The following IQCH variants were observed in gnomAD, a reference collection of about 807,000 sequenced individuals.
The protein encoded by IQCH is IQ domain-containing protein H.
Under a neutral mutation model 117.0 loss-of-function variants are expected in IQCH, and 98 were observed. That is an observed-to-expected ratio of 0.84 (90% CI 0.71 to 0.99). The LOEUF (loss-of-function observed/expected upper bound fraction) is 0.99. Among genes scored for constraint, IQCH ranks in the 50% least tolerant of loss-of-function variants. The probability of loss-of-function intolerance (pLI) is 0.00; values close to 1 mark genes in which losing one functional copy is unlikely to be tolerated. For synonymous variants in IQCH, 412 were observed against 448.2 expected (o/e 0.92, Z 1.02); for missense variants, 1,102 against 1,243.8 (o/e 0.89, Z 1.72).
At position 67,421,427 on chromosome 15, in the gene IQCH, TGGTACCACCGTGCCTCA is replaced by T; in HGVS notation, c.2357_2373del (p.Gly786AspfsTer51). On this transcript the variant is annotated frameshift_variant, in exon 16 of 21. Coordinates refer to ENST00000335894, the MANE Select transcript of IQCH (RefSeq NM_001031715.3). LOFTEE classifies it high-confidence loss of function. ...ATGCTGAAAGCCCCTTCATCTCCTC[TGGTACCACCGTGCCTCA>T]GACCTCAGTGGATCCCCAAGTTCTC... 6.2e-7 allele frequency: 1 copy of T among 1,614,190 alleles called. No individual in the cohort carries two copies. Among genetic ancestry groups the T allele is most frequent in the South Asian group, 1.1e-5 (1 of 91,078 alleles).
At position 67,488,695 on chromosome 15, in the gene IQCH, C is replaced by T. The variant is rs1323923105; in HGVS notation, c.2800-1308C>T. Among the ~76,000 whole-genome samples the T allele has an allele frequency of 2.0e-5, 3 of 152,316 alleles. No individual in the cohort carries two copies. In the East Asian group the frequency reaches 5.8e-4, roughly 29 times the overall value. ...GAGGGAGTATGGTTTCAGAATGAAA[C>T]TGTTCCACCTCAGATCATCAGGCAT... is the stretch of plus-strand genomic sequence containing the variant. On this transcript the variant is annotated intron_variant, in intron 18 of 20. Transcript: ENST00000335894.
At position 67,421,559 on chromosome 15, in the gene IQCH, A is replaced by G. The variant is rs543734739; in HGVS notation, c.2487A>G (p.Pro829=). The part of the protein sequence containing the change: ...FSIDLVTFID[P]STLEQQVWAT... ...TAGATCTGGTGACTTTTATAGATCCAAGCACCTTGGAACAACAGGTAAGTT... is the reference window on the plus strand; with the variant it reads ...TAGATCTGGTGACTTTTATAGATCCGAGCACCTTGGAACAACAGGTAAGTT... The change falls in exon 16 of 21, where the codon CCA becomes CCG. Residue 829 remains proline (P), a synonymous_variant. Coordinates refer to ENST00000335894, the MANE Select transcript of IQCH (RefSeq NM_001031715.3). 1.4e-5 allele frequency: 22 copies of G among 1,614,154 alleles called. No individual in the cohort carries two copies. The African/African-American group carries it at 2.8e-4, about 21-fold the overall frequency.
At chr15:67,320,850 A>G (rs1433370285) in intron 4 of IQCH, among the ~76,000 whole-genome samples, 3 of 152,178 alleles carry the variant, frequency 2.0e-5, no homozygotes, top group Non-Finnish European at 4.4e-5. Flanking sequence ...GTGGTCCCAT[A>G]AAATTGGGAA....
At position 67,417,507 on chromosome 15, in the gene IQCH, C is replaced by T. The variant is rs2081606420; in HGVS notation, c.2218+456C>T. On this transcript the variant is annotated intron_variant, in intron 15 of 20. Coordinates refer to ENST00000335894, the MANE Select transcript of IQCH (RefSeq NM_001031715.3). The surrounding 1 kb of genome is among the most constrained non-coding windows in gnomAD (Gnocchi z 4.3). Reference sequence around the variant, plus strand: ...TCATCTTTAATAAGTGTTAGTTTCTCCTTCTGTTTTCTAGGAGAGCAAAAA... The same window carrying T: ...TCATCTTTAATAAGTGTTAGTTTCTTCTTCTGTTTTCTAGGAGAGCAAAAA... 6.6e-6 allele frequency among the ~76,000 whole-genome samples: 1 copy of T among 152,180 alleles called. No individual in the cohort carries two copies. The highest frequency in any genetic ancestry group is 1.5e-5 in the Non-Finnish European group (1 of 68,030).
At chr15:67,480,301 G>T (rs2083309998) in intron 18 of IQCH, among the ~76,000 whole-genome samples, 1 of 152,156 alleles carries the variant, frequency 6.6e-6, no homozygotes, top group Admixed American at 6.5e-5. Context: ...ACTTGCTTTG[G>T]CCAGTGAAAT....
intron 4 of IQCH, chr15:67,304,236 A>G: frequency 3.5e-6 from 2 of 570,224 alleles, no homozygotes; most frequent in Non-Finnish European, 6.0e-6. Flanking sequence ...AATTTCATTA[A>G]AATAATTATT....
At position 67,381,315 on chromosome 15, in the gene IQCH, G is replaced by A. The variant is rs984989559; in HGVS notation, c.1373-3621G>A. Among the ~76,000 whole-genome samples, 8 of 152,198 alleles carry A rather than the reference G, an allele frequency of 5.3e-5. No homozygotes were observed. The highest frequency in any genetic ancestry group is 4.6e-4 in the Admixed American group (7 of 15,272). On this transcript the variant is annotated intron_variant, in intron 10 of 20. Coordinates refer to ENST00000335894, the MANE Select transcript of IQCH (RefSeq NM_001031715.3). The surrounding 1 kb of genome is among the most constrained non-coding windows in gnomAD (Gnocchi z 5.1). ...TTGATGAGCAACCTTGGTTCAGTGG[G>A]GGACCAGAAGTAGTAGATGAGTAAC...
intron 3 of IQCH, among the ~76,000 whole-genome samples, chr15:67,278,199 GGAACGAAGAACA>G (rs952102646): frequency 1.1e-4 from 17 of 152,248 alleles, no homozygotes; most frequent in African/African-American, 2.6e-4. Context: ...TACAGAGAAC[GGAACGAAGAACA>G]GAACGAAGAA....
At chr15:67,396,709 T>A (rs779483359) in intron 13 of IQCH, among the ~76,000 whole-genome samples, 3 of 152,116 alleles carry the variant, frequency 2.0e-5, no homozygotes, top group Non-Finnish European at 4.4e-5. Context: ...GCACAGTGAG[T>A]CAGTTTGTGA....
At chr15:67,309,724 ATTTTTCTGTT>A (rs1371551108) in intron 4 of IQCH, among the ~76,000 whole-genome samples, 8 of 151,346 alleles carry the variant, frequency 5.3e-5, no homozygotes, top group Non-Finnish European at 1.5e-5. Flanking sequence ...ACTCATTCTC[ATTTTTCTGTT>A]TTATGAATGG....
At chr15:67,360,598 T>C (rs992109677) in intron 8 of IQCH, among the ~76,000 whole-genome samples, 22 of 152,236 alleles carry the variant, frequency 1.4e-4, no homozygotes, top group Admixed American at 9.2e-4. Context: ...ATCAGATGCA[T>C]TAATGTGTGT....
At chr15:67,441,589 T>C (rs2082272470) in intron 16 of IQCH, among the ~76,000 whole-genome samples, 1 of 152,242 alleles carries the variant, frequency 6.6e-6, no homozygotes, top group Admixed American at 6.5e-5. Context: ...CCCAAATACT[T>C]ACAGCCAACT....
At position 67,406,689 on chromosome 15, in the gene IQCH, T is replaced by C. The variant is rs990118206; in HGVS notation, c.2097+6384T>C. 17 of 152,198 alleles carry C rather than the reference T, an allele frequency of 1.1e-4. No individual in the cohort carries two copies. The highest frequency in any genetic ancestry group is 3.6e-4 in the African/African-American group (15 of 41,450). The allele number at this position is 152,198 out of a possible 1,614,324, so 9.4% of individuals were successfully genotyped here. ...CAGGGTAACTAAGAGGTAGTTTGGCTTCCTGGGGTTCCATAGCCAGGGACA... is the reference window on the plus strand; with the variant it reads ...CAGGGTAACTAAGAGGTAGTTTGGCCTCCTGGGGTTCCATAGCCAGGGACA... On this transcript the variant is annotated intron_variant, in intron 14 of 20. Transcript: ENST00000335894. The surrounding 1 kb of genome is among the most constrained non-coding windows in gnomAD (Gnocchi z 4.5).
intron 2 of IQCH, among the ~76,000 whole-genome samples, chr15:67,262,755 T>A (rs1460487108): frequency 2.0e-5 from 3 of 152,028 alleles, no homozygotes; most frequent in Non-Finnish European, 4.4e-5. Flanking sequence ...TGTGGTGGCA[T>A]GTGCCTGTGG....
rs1317881486 is a variant in IQCH at position 67,387,355 on chromosome 15, G to T, written c.1457-1476G>T. Among the ~76,000 whole-genome samples the T allele has an allele frequency of 6.6e-6, 1 of 152,134 alleles. No individual in the cohort carries two copies. Among genetic ancestry groups the T allele is most frequent in the African/African-American group, 2.4e-5 (1 of 41,432 alleles). ...GTATGCCCTGCGTCTAGGTGTAAAA[G>T]ACCTTCCCAACTTTGCGAATCTCTC... On this transcript the variant is annotated intron_variant, in intron 11 of 20. Transcript: ENST00000335894. The surrounding 1 kb of genome is among the most constrained non-coding windows in gnomAD (Gnocchi z 4.8).
chr15:67,389,007 G>A lies in IQCH; in HGVS notation c.1632+1G>A. ...ACCTGAAGCTGTAAACATCTTCCCT[G>A]TGAGTTTGTGTTCTAATTACTATGG... is the stretch of plus-strand genomic sequence containing the variant. On this transcript the variant is annotated splice_donor_variant, in intron 12 of 20. Transcript: ENST00000335894. LOFTEE classifies it high-confidence loss of function. The A allele has an allele frequency of 6.2e-7, 1 of 1,610,110 alleles. No homozygotes were observed. The highest frequency in any genetic ancestry group is 8.5e-7 in the Non-Finnish European group (1 of 1,177,532).
In IQCH at chr15:67,294,015, T is replaced by C. The variant is rs191702323; in HGVS notation, c.387+14503T>C. ...GAAAGGTCCCCTATAGATACAGTAGTGAATGGTATAATAGAGTTTTGGAAA... is the reference window on the plus strand; with the variant it reads ...GAAAGGTCCCCTATAGATACAGTAGCGAATGGTATAATAGAGTTTTGGAAA... On this transcript the variant is annotated intron_variant, in intron 4 of 20. Transcript: ENST00000335894. Among the ~76,000 whole-genome samples the C allele has an allele frequency of 2.6e-3, 402 of 152,272 alleles. 2 individuals carry two copies. The highest frequency in any genetic ancestry group is 6.8e-3 in the Middle Eastern group (2 of 294).
At chr15:67,303,160 C>A (rs553535176) in intron 4 of IQCH, among the ~76,000 whole-genome samples, 2 of 152,270 alleles carry the variant, frequency 1.3e-5, no homozygotes, top group Admixed American at 1.3e-4. Flanking sequence ...GCTCACAATA[C>A]TTCTAACCTC....
chr15:67,382,437 T>G (rs1970964481), intron 10 of IQCH, among the ~76,000 whole-genome samples: 1 of 152,196 alleles, frequency 6.6e-6, no homozygotes, highest in Non-Finnish European at 1.5e-5. Flanking sequence ...CAACTTTATT[T>G]CTCCTTTGTC....
Sources: gnomAD v4.1 joint callset for allele counts (sites outside exome capture counted in the v4.1 genomes callset) on GRCh38, gnomAD v4.1.1 for gene constraint, Gnocchi (gnomAD v3.1) non-coding constraint, MANE v1.5 for transcripts, NCBI Gene and HGNC (gene_info 2026-07-23, HGNC 2026-07-21) for gene names.